Variants in HSD11B2 observed in about 807,000 individuals in gnomAD.
HSD11B2 encodes the protein hydroxysteroid 11-beta dehydrogenase 2.
A neutral mutation model predicts 20.9 loss-of-function variants in HSD11B2; 17 were observed. That is an observed-to-expected ratio of 0.81 (90% CI 0.56 to 1.22). The LOEUF is 1.22. Among genes scored for constraint, HSD11B2 ranks in the 50% most tolerant of loss-of-function variants. HSD11B2 has a pLI of 0.00. For synonymous variants in HSD11B2, 253 were observed against 255.4 expected, an observed-to-expected ratio of 0.99 and a Z score of 0.09; for missense variants, 480 against 563.6, an observed-to-expected ratio of 0.85 and a Z score of 1.50.
At chr16:67,435,012 G>C (rs1330301256) in intron 1 of HSD11B2, among the ~76,000 whole-genome samples, 2 of 150,080 alleles carry the variant, frequency 1.3e-5, no homozygotes, top group East Asian at 3.9e-4. Context: ...CTGGGCAACA[G>C]AGTGAGACTC....
At position 67,431,311 on chromosome 16, in the gene HSD11B2, G is replaced by A; in HGVS notation, c.63G>A (p.Leu21=). The A allele has an allele frequency of 5.6e-6, 7 of 1,259,162 alleles. No homozygotes were observed. The highest frequency in any genetic ancestry group is 7.1e-6 in the Non-Finnish European group (7 of 991,960). The allele number at this position is 1,259,162 out of a possible 1,614,324, so 78.0% of individuals were successfully genotyped here. ...AWLLVAARAL[L]QLLRSDLRLG... is the part of the protein sequence containing the mutation. ...TGCTCGTGGCTGCCCGCGCGCTGCT[G>A]CAGCTGCTGCGCTCAGACCTGCGTC... The change falls in exon 1 of 5, where the codon CTG becomes CTA. Residue 21 remains leucine, a synonymous_variant. Transcript: ENST00000326152.
intron 1 of HSD11B2, 60 bp from the exon 2 acceptor site, chr16:67,435,568 G>A (rs1284561398): frequency 1.5e-6 from 2 of 1,363,282 alleles, no homozygotes; most frequent in South Asian, 2.4e-5. Context: ...GTGATTCTGG[G>A]GTTGTCTCAG....
In HSD11B2 at chr16:67,437,068, C is replaced by A. The variant is rs531887976; in HGVS notation, c.*65C>A. 2.5e-5 allele frequency: 38 copies of A among 1,504,520 alleles called. No individual in the cohort carries two copies. Among genetic ancestry groups the A allele is most frequent in the Non-Finnish European group, 3.1e-5 (34 of 1,105,690 alleles). The allele number at this position is 1,504,520 out of a possible 1,614,324, so 93.2% of individuals were successfully genotyped here. A position where few individuals can be genotyped will look rare whatever the true frequency, so the allele number is the denominator to read the frequency against. On this transcript the variant is annotated 3_prime_UTR_variant, in exon 5 of 5. Coordinates refer to ENST00000326152, the MANE Select transcript of HSD11B2 (RefSeq NM_000196.4). The stretch of plus-strand genomic sequence containing the variant: ...GCTCCGTGAGCCCTTGGTTCCTCCC[C>A]GAAAACCCCCAGCATTACGATCCCC...
chr16:67,436,635 C>T lies in HSD11B2; in HGVS notation c.850C>T (p.Leu284=), dbSNP rs1238073020. Residue 284 remains leucine, a synonymous_variant, in exon 5 of 5, where the codon CTG becomes TTG. Coordinates refer to ENST00000326152, the MANE Select transcript of HSD11B2 (RefSeq NM_000196.4). This position sits in a 1 kb window ranked among gnomAD's most constrained non-coding sequence, Gnocchi z 5.7. ...GTGGGAAAAGCGCAAGCAATTGCTG[C>T]TGGCCAACCTGCCTCAAGAGCTGCT... is the stretch of plus-strand genomic sequence containing the variant. ...GQWEKRKQLL[L]ANLPQELLQA... is the part of the protein sequence containing the mutation. The T allele has an allele frequency of 7.4e-6, 12 of 1,614,084 alleles. No individual in the cohort carries two copies. The African/African-American group carries it at 1.6e-4, about 22-fold the overall frequency.
chr16:67,435,816 A>C lies in HSD11B2; in HGVS notation c.454A>C (p.Thr152Pro), dbSNP rs2040965704. 1 of 1,614,008 alleles carries C rather than the reference A, an allele frequency of 6.2e-7. No individual in the cohort carries two copies. Among genetic ancestry groups the C allele is most frequent in the Non-Finnish European group, 8.5e-7 (1 of 1,180,016 alleles). Residue 152 changes from threonine to proline, a missense_variant, in exon 2 of 5, where the codon ACC becomes CCC. Thr to Pro is a conservative substitution (Grantham distance 38). This residue lies in a region of HSD11B2 where 374 missense variants were observed against 480.9 expected (regional missense o/e 0.78). Coordinates refer to ENST00000326152, the MANE Select transcript of HSD11B2 (RefSeq NM_000196.4). ...PGDISRVLEFTKAHTTSTGLW... is the reference protein window; with the variant it reads ...PGDISRVLEFPKAHTTSTGLW... ...AGACATTAGCCGCGTGCTAGAGTTC[A>C]CCAAGGCCCACACCACCAGCACCGG...
In HSD11B2 at chr16:67,435,705, G is replaced by A. The variant is rs200837892; in HGVS notation, c.343G>A (p.Glu115Lys). The change falls in exon 2 of 5, where the codon GAG becomes AAG. Residue 115 changes from glutamate to lysine, a missense_variant. By Grantham distance (56) the Glu-to-Lys change is moderately conservative. Transcript: ENST00000326152. ...CTTCACGGTGCTGGCCACCGTATTG[G>A]AGTTGAACAGCCCCGGTGCCATCGA... ...MGFTVLATVLELNSPGAIELR... is the reference protein window; with the variant it reads ...MGFTVLATVLKLNSPGAIELR... The A allele has an allele frequency of 8.7e-6, 14 of 1,614,004 alleles. No individual in the cohort carries two copies. The highest frequency in any genetic ancestry group is 1.2e-5 in the Non-Finnish European group (14 of 1,180,014).
chr16:67,435,659 C>G lies in HSD11B2; in HGVS notation c.297C>G (p.Ala99=). ...GCDSGFGKET[A]KKLDSMGFTV... Reference sequence around the variant, plus strand: ...ACTCTGGTTTTGGCAAGGAGACGGCCAAGAAACTGGACTCCATGGGCTTCA... The same window carrying G: ...ACTCTGGTTTTGGCAAGGAGACGGCGAAGAAACTGGACTCCATGGGCTTCA... Residue 99 remains alanine, a synonymous_variant, in exon 2 of 5, where the codon GCC becomes GCG. Coordinates refer to ENST00000326152, the MANE Select transcript of HSD11B2 (RefSeq NM_000196.4). 1.2e-6 allele frequency: 2 copies of G among 1,613,768 alleles called. No individual in the cohort carries two copies. The highest frequency in any genetic ancestry group is 1.7e-6 in the Non-Finnish European group (2 of 1,180,000).
In HSD11B2 at chr16:67,436,602, G is replaced by GT. The variant is rs770730795; in HGVS notation, c.818dup (p.Gln275SerfsTer82). 1 of 1,614,028 alleles carries GT rather than the reference G, an allele frequency of 6.2e-7. No homozygotes were observed. Among genetic ancestry groups the GT allele is most frequent in the Non-Finnish European group, 8.5e-7 (1 of 1,180,024 alleles). On this transcript the variant is annotated frameshift_variant, in exon 5 of 5. Transcript: ENST00000326152. LOFTEE classifies it high-confidence loss of function. This position sits in a 1 kb window ranked among gnomAD's most constrained non-coding sequence, Gnocchi z 5.7. Reference sequence around the variant, plus strand: ...TCCTTCCCCAGAGTCAGTGAGAAACGTGGGTCAGTGGGAAAAGCGCAAGCA... The same window carrying GT: ...TCCTTCCCCAGAGTCAGTGAGAAACGTTGGGTCAGTGGGAAAAGCGCAAGCA...
chr16:67,431,345 C>CCGCTGCTGGCGGCGCTGG lies in HSD11B2; in HGVS notation c.108_125dup (p.Ala39_Leu44dup), dbSNP rs1175206597. 7.0e-5 allele frequency: 87 copies of CCGCTGCTGGCGGCGCTGG among 1,241,698 alleles called. 1 individual carries two copies. The highest frequency in any genetic ancestry group is 9.6e-5 in the African/African-American group (6 of 62,768). The allele number at this position is 1,241,698 out of a possible 1,614,324, so 76.9% of individuals were successfully genotyped here. On this transcript the variant is annotated inframe_insertion, in exon 1 of 5. Coordinates refer to ENST00000326152, the MANE Select transcript of HSD11B2 (RefSeq NM_000196.4). The stretch of plus-strand genomic sequence containing the variant: ...GCGCTCAGACCTGCGTCTGGGCCGC[C>CCGCTGCTGGCGGCGCTGG]CGCTGCTGGCGGCGCTGGCGCTGCT...
rs1597563246 is a variant in HSD11B2, at chr16:67,436,550, T to C, written c.803-38T>C. The C allele has an allele frequency of 6.2e-7, 1 of 1,612,648 alleles. No homozygotes were observed. Among genetic ancestry groups the C allele is most frequent in the South Asian group, 1.1e-5 (1 of 90,870 alleles). Reference sequence around the variant, plus strand: ...CAGTCCTAATTGGCTTTGGCTCCCCTAGCTGATCCCACTCTGACCTTGCCA... The same window carrying C: ...CAGTCCTAATTGGCTTTGGCTCCCCCAGCTGATCCCACTCTGACCTTGCCA... On this transcript the variant is annotated intron_variant, in intron 4 of 4. Coordinates refer to ENST00000326152, the MANE Select transcript of HSD11B2 (RefSeq NM_000196.4). The surrounding 1 kb of genome is among the most constrained non-coding windows in gnomAD (Gnocchi z 5.7).
upstream of HSD11B2, among the ~76,000 whole-genome samples, chr16:67,430,243 T>C (rs1227932670): frequency 6.6e-6 from 1 of 151,546 alleles, no homozygotes; most frequent in Admixed American, 6.6e-5. The surrounding 1 kb of genome is among the most constrained non-coding windows in gnomAD (Gnocchi z 5.4). Flanking sequence ...CCCCTGGGGG[T>C]TCAGGGGAGC....
chr16:67,437,090 C>A lies in HSD11B2; in HGVS notation c.*87C>A. The A allele has an allele frequency of 7.4e-7, 1 of 1,359,186 alleles. No individual in the cohort carries two copies. Among genetic ancestry groups the A allele is most frequent in the Non-Finnish European group, 1.0e-6 (1 of 987,916 alleles). The allele number at this position is 1,359,186 out of a possible 1,614,324, so 84.2% of individuals were successfully genotyped here. A position where few individuals can be genotyped will look rare whatever the true frequency, so the allele number is the denominator to read the frequency against. ...CCCCGAAAACCCCCAGCATTACGAT[C>A]CCCCAAGTGTCCTGGACCCTGGCCT... is the stretch of plus-strand genomic sequence containing the variant. On this transcript the variant is annotated 3_prime_UTR_variant, in exon 5 of 5. Transcript: ENST00000326152.
At chr16:67,434,856 G>A (rs771786884) in intron 1 of HSD11B2, among the ~76,000 whole-genome samples, 1 of 152,042 alleles carries the variant, frequency 6.6e-6, no homozygotes, top group Non-Finnish European at 1.5e-5. Context: ...GTGAAACCCC[G>A]TCTCTACTAA....
At chr16:67,433,558 G>T (rs1373276130) in intron 1 of HSD11B2, among the ~76,000 whole-genome samples, 1 of 152,088 alleles carries the variant, frequency 6.6e-6, no homozygotes, top group Non-Finnish European at 1.5e-5. Flanking sequence ...CAAGATGTGG[G>T]TGACTGTTGG....
chr16:67,430,942 C>G (rs2040926198), upstream of HSD11B2: 1 of 123,914 alleles, frequency 8.1e-6, no homozygotes, highest in South Asian at 3.0e-4. The surrounding 1 kb of genome is among the most constrained non-coding windows in gnomAD (Gnocchi z 5.4). Flanking sequence ...AACTTTGGGA[C>G]TTTGTTCCGG....
Position 67,436,149 on chromosome 16 carries a change from G to GCC in HSD11B2, c.664+15_664+16dup, listed in dbSNP as rs72650121. ...ACTGTGGGGAGCCCAGCGGGTGAGT[G>GCC]CCCCCCCCCACTGGAGCAAAAAGGA... On this transcript the variant is annotated splice_region_variant and intron_variant, in intron 3 of 4. Coordinates refer to ENST00000326152, the MANE Select transcript of HSD11B2 (RefSeq NM_000196.4). The surrounding 1 kb of genome is among the most constrained non-coding windows in gnomAD (Gnocchi z 5.7). The GCC allele has an allele frequency of 5.1e-6, 8 of 1,579,778 alleles. No homozygotes were observed.
Position 67,437,106 on chromosome 16 carries a change from AC to A in HSD11B2, c.*106del, listed in dbSNP as rs2142290854. ...CATTACGATCCCCCAAGTGTCCTGGACCCTGGCCTAAAGAATCCCACCCCCA... is the reference window on the plus strand; with the variant it reads ...CATTACGATCCCCCAAGTGTCCTGGACCTGGCCTAAAGAATCCCACCCCCA... On this transcript the variant is annotated 3_prime_UTR_variant, in exon 5 of 5. Coordinates refer to ENST00000326152, the MANE Select transcript of HSD11B2 (RefSeq NM_000196.4). 3 of 1,253,808 alleles carry A rather than the reference AC, an allele frequency of 2.4e-6. No individual in the cohort carries two copies. Among genetic ancestry groups the A allele is most frequent in the Non-Finnish European group, 2.2e-6 (2 of 905,108 alleles). The allele number at this position is 1,253,808 out of a possible 1,614,324, so 77.7% of individuals were successfully genotyped here. A position where few individuals can be genotyped will look rare whatever the true frequency, so the allele number is the denominator to read the frequency against.
Position 67,435,742 on chromosome 16 carries a change from G to C in HSD11B2, c.380G>C (p.Cys127Ser). The change falls in exon 2 of 5, where the codon TGC becomes TCC. Residue 127 changes from cysteine to serine, a missense_variant. Physicochemically the swap from Cys to Ser is moderately radical, Grantham distance 112 (BLOSUM62 -1). This residue lies in a region of HSD11B2 where 374 missense variants were observed against 480.9 expected (regional missense o/e 0.78). Transcript: ENST00000326152. ...CCCGGTGCCATCGAGCTGCGTACCT[G>C]CTGCTCCCCTCGCCTAAGGCTGCTG... The part of the protein sequence containing the change: ...NSPGAIELRT[C>S]CSPRLRLLQM... 1 of 1,614,078 alleles carries C rather than the reference G, an allele frequency of 6.2e-7. No homozygotes were observed. Among genetic ancestry groups the C allele is most frequent in the East Asian group, 2.2e-5 (1 of 44,878 alleles).
chr16:67,434,043 G>T (rs72650116), intron 1 of HSD11B2, among the ~76,000 whole-genome samples: 44 of 152,280 alleles, frequency 2.9e-4, no homozygotes, highest in African/African-American at 9.6e-4. Context: ...AATCAAGGAG[G>T]CAGGGGCTTA....
Sources: gnomAD v4.1 joint callset for allele counts (sites outside exome capture counted in the v4.1 genomes callset) on GRCh38, gnomAD v4.1.1 for gene constraint, gnomAD v4.1.1 regional missense constraint, Gnocchi (gnomAD v3.1) non-coding constraint, MANE v1.5 for transcripts, NCBI Gene and HGNC (gene_info 2026-07-23, HGNC 2026-07-21) for gene names.